UBXN2B: variants seen among roughly 807,000 people sequenced by gnomAD.
UBXN2B encodes the protein UBX domain-containing protein 2B.
Under a neutral mutation model 37.5 loss-of-function variants are expected in UBXN2B, and 19 were observed. The ratio of observed to expected loss-of-function variants is 0.51; its 90% confidence interval spans 0.35 to 0.74. The LOEUF (loss-of-function observed/expected upper bound fraction) is 0.74. Among genes scored for constraint, UBXN2B ranks in the 30% least tolerant of loss-of-function variants. UBXN2B has a pLI of 0.01. For missense variants in UBXN2B, 370 were observed against 393.2 expected (o/e 0.94, Z 0.50); for synonymous variants, 145 against 143.8 (o/e 1.01, Z -0.06).
chr8:58,433,633 G>C (rs919081776), intron 4 of UBXN2B, among the ~76,000 whole-genome samples: 1 of 147,778 alleles, frequency 6.8e-6, no homozygotes, highest in Non-Finnish European at 1.5e-5. Flanking sequence ...AAAAAAAAAG[G>C]TGTTTAAAAA....
chr8:58,445,978 T>C lies in UBXN2B; in HGVS notation c.743T>C (p.Val248Ala). ...GATAAATCAATACTTAATGCAGTTGTTCTTATTGATGATTCAGTGCCAACA... is the reference window on the plus strand; with the variant it reads ...GATAAATCAATACTTAATGCAGTTGCTCTTATTGATGATTCAGTGCCAACA... ...EEDKSILNAV[V>A]LIDDSVPTTK... Residue 248 changes from valine (V) to alanine (A), a missense_variant, in exon 7 of 8, where the codon GTT (valine) becomes GCT (alanine). Coordinates refer to ENST00000399598, the MANE Select transcript of UBXN2B (RefSeq NM_001077619.2). 1.2e-6 allele frequency: 2 copies of C among 1,613,378 alleles called. No homozygotes were observed. Among genetic ancestry groups the C allele is most frequent in the Non-Finnish European group, 1.7e-6 (2 of 1,179,736 alleles).
At chr8:58,436,634 C>A (rs1009084289) in intron 5 of UBXN2B, among the ~76,000 whole-genome samples, 1 of 152,120 alleles carries the variant, frequency 6.6e-6, no homozygotes, top group African/African-American at 2.4e-5. Context: ...GGGGTGGATC[C>A]CTCACAAATG....
At chr8:58,440,667 ATTCT>A (rs140279875) in intron 6 of UBXN2B, among the ~76,000 whole-genome samples, 212 of 152,298 alleles carry the variant, frequency 1.4e-3, no homozygotes, top group African/African-American at 4.8e-3. Context: ...TTTCCAGTGT[ATTCT>A]TTGGTGCATC....
intron 3 of UBXN2B, among the ~76,000 whole-genome samples, chr8:58,431,246 G>A (rs531917320): frequency 6.0e-4 from 91 of 152,314 alleles, no homozygotes; most frequent in African/African-American, 2.0e-3. Context: ...CACTTTGGGA[G>A]GCCGAAGCAG....
chr8:58,447,472 A>C lies in UBXN2B; in HGVS notation c.917A>C (p.Asn306Thr). ...TTTATTCTTGTGACTTCATTTCCGA[A>C]TAAAGAGCTAACAGATGAAAGCCTG... ...LDFILVTSFP[N>T]KELTDESLTL... The change falls in exon 8 of 8, where the codon AAT becomes ACT. Residue 306 changes from asparagine to threonine, a missense_variant. Asn to Thr is a moderately conservative substitution (Grantham distance 65, BLOSUM62 0). Transcript: ENST00000399598. 1 of 1,613,562 alleles carries C rather than the reference A, an allele frequency of 6.2e-7. No individual in the cohort carries two copies. Among genetic ancestry groups the C allele is most frequent in the South Asian group, 1.1e-5 (1 of 91,012 alleles).
In UBXN2B at chr8:58,416,923, T is replaced by C. The variant is rs1421144897; in HGVS notation, c.158T>C (p.Val53Ala). 1.1e-5 allele frequency: 18 copies of C among 1,611,164 alleles called. No individual in the cohort carries two copies. In the East Asian group the frequency reaches 4.0e-4, roughly 36 times the overall value. Residue 53 changes from valine to alanine, a missense_variant, in exon 2 of 8, where the codon GTC becomes GCC. Around this residue, in one of 3 missense-constraint regions of UBXN2B, gnomAD observed 197 missense variants for 170.2 expected, o/e 1.16. Coordinates refer to ENST00000399598, the MANE Select transcript of UBXN2B (RefSeq NM_001077619.2). ...SSKSNRPKATVFKSPRTPPQR... is the reference protein window; with the variant it reads ...SSKSNRPKATAFKSPRTPPQR... ...AAGTCTAATAGACCTAAAGCCACAGTCTTCAAGAGCCCACGGACACCACCT... is the reference window on the plus strand; with the variant it reads ...AAGTCTAATAGACCTAAAGCCACAGCCTTCAAGAGCCCACGGACACCACCT...
rs775481708 is a variant in UBXN2B at position 58,416,856 on chromosome 8, T to C, written c.91T>C (p.Leu31=). Residue 31 remains leucine (L), a synonymous_variant, in exon 2 of 8, where the codon TTG becomes CTG. Transcript: ENST00000399598. ...PPSARDLQLA[L]AELYEDEVKC... is the part of the protein sequence containing the mutation. Reference sequence around the variant, plus strand: ...CAAGCCTGTTATTATGTAGTTGGCCTTGGCAGAATTGTATGAAGATGAAGT... The same window carrying C: ...CAAGCCTGTTATTATGTAGTTGGCCCTGGCAGAATTGTATGAAGATGAAGT... 5.6e-6 allele frequency: 9 copies of C among 1,611,550 alleles called. No homozygotes were observed. In the South Asian group the frequency reaches 8.8e-5, roughly 16 times the overall value.
intron 2 of UBXN2B, among the ~76,000 whole-genome samples, chr8:58,423,177 G>C (rs1392486076): frequency 6.6e-6 from 1 of 152,048 alleles, no homozygotes; most frequent in African/African-American, 2.4e-5. Context: ...TCTTCAGAAG[G>C]CCTGGCCACT....
chr8:58,439,846 C>T (rs1808500198), intron 6 of UBXN2B, 76 bp downstream of exon 6: 4 of 1,492,536 alleles, frequency 2.7e-6, no homozygotes, highest in South Asian at 1.4e-5. Flanking sequence ...GCAAAATGAC[C>T]TATGAAGTAA....
rs1807629154 is a variant in UBXN2B at position 58,411,362 on chromosome 8, G to A, written c.-24G>A. The stretch of plus-strand genomic sequence containing the variant: ...GGAAGTTGCGGCAGGTGCGTCCGCA[G>A]CGGGCGCCGCTAGCCAGCGGAAGAT... On this transcript the variant is annotated 5_prime_UTR_variant, in exon 1 of 8. Transcript: ENST00000399598. 2 of 1,268,622 alleles carry A rather than the reference G, an allele frequency of 1.6e-6. No homozygotes were observed. Among genetic ancestry groups the A allele is most frequent in the Non-Finnish European group, 2.0e-6 (2 of 1,004,434 alleles). The allele number at this position is 1,268,622 out of a possible 1,614,324, so 78.6% of individuals were successfully genotyped here.
chr8:58,443,599 C>T (rs990505300), intron 6 of UBXN2B, among the ~76,000 whole-genome samples: 1 of 150,400 alleles, frequency 6.6e-6, no homozygotes, highest in African/African-American at 2.5e-5. Flanking sequence ...TCAAGACCAG[C>T]CTGGCCAACA....
Position 58,447,644 on chromosome 8 carries a change from T to C in UBXN2B, c.*93T>C. Reference sequence around the variant, plus strand: ...CAGCATTAAAAACAGCCAAATTATTTTTATTATTTTTACAGATAAATTTTG... The same window carrying C: ...CAGCATTAAAAACAGCCAAATTATTCTTATTATTTTTACAGATAAATTTTG... On this transcript the variant is annotated 3_prime_UTR_variant, in exon 8 of 8. Coordinates refer to ENST00000399598, the MANE Select transcript of UBXN2B (RefSeq NM_001077619.2). The C allele has an allele frequency of 8.3e-7, 1 of 1,208,850 alleles. No homozygotes were observed. The highest frequency in any genetic ancestry group is 2.6e-5 in the South Asian group (1 of 39,018). 74.9% of individuals were successfully genotyped at this position (1,208,850 alleles called of 1,614,324 possible).
chr8:58,435,161 C>A, intron 5 of UBXN2B: 1 of 1,336,654 alleles, frequency 7.5e-7, no homozygotes, highest in Non-Finnish European at 9.6e-7. Flanking sequence ...TAAAGTTGAG[C>A]ATAAACTGGG....
At chr8:58,415,943 T>A (rs1807767512) in intron 1 of UBXN2B, among the ~76,000 whole-genome samples, 1 of 152,032 alleles carries the variant, frequency 6.6e-6, no homozygotes, top group African/African-American at 2.4e-5. Flanking sequence ...ATTGCCCCAA[T>A]GCCCTGTTCT....
rs1475974991 is a variant in UBXN2B at position 58,450,717 on chromosome 8, C to A, written c.*3166C>A. On this transcript the variant is annotated 3_prime_UTR_variant, in exon 8 of 8. Transcript: ENST00000399598. ...CAGCACCTCAAGTACCTAGAAAACT[C>A]TTTTATGCCTGCTTCTCTGCCAGAT... 6.6e-6 allele frequency: 1 copy of A among 152,180 alleles called. No individual in the cohort carries two copies. The highest frequency in any genetic ancestry group is 1.5e-5 in the Non-Finnish European group (1 of 68,040). The allele number at this position is 152,180 out of a possible 1,614,324, so 9.4% of individuals were successfully genotyped here.
At position 58,421,869 on chromosome 8, in the gene UBXN2B, T is replaced by C. The variant is rs369702144; in HGVS notation, c.188+4916T>C. Among the ~76,000 whole-genome samples the C allele has an allele frequency of 2.4e-3, 364 of 152,348 alleles. 2 individuals carry two copies. The highest frequency in any genetic ancestry group is 8.3e-3 in the African/African-American group (345 of 41,580). On this transcript the variant is annotated intron_variant, in intron 2 of 7. Transcript: ENST00000399598. ...TTTGCTGACCTTGTGGAGGGAAATC[T>C]AAATGAAATCAATATAACAAACAAA...
intron 1 of UBXN2B, among the ~76,000 whole-genome samples, chr8:58,413,677 AG>A (rs1807699890): frequency 1.3e-5 from 2 of 152,078 alleles, no homozygotes; most frequent in Admixed American, 6.5e-5. Context: ...GGAGTGTTCC[AG>A]GTACCACCAG....
rs1265671894 is a variant in UBXN2B, at chr8:58,433,252, A to G, written c.423+9A>G. 2.5e-6 allele frequency: 4 copies of G among 1,588,146 alleles called. No individual in the cohort carries two copies. In the Admixed American group the frequency reaches 5.3e-5, roughly 21 times the overall value. On this transcript the variant is annotated intron_variant, in intron 4 of 7. Transcript: ENST00000399598. ...AAAATCAGCTGCAAGATGTAGGTAC[A>G]ATAATCAAAATGAAAAAGTATAAAT...
At chr8:58,416,078 A>C (rs546783290) in intron 1 of UBXN2B, among the ~76,000 whole-genome samples, 41 of 151,688 alleles carry the variant, frequency 2.7e-4, no homozygotes, top group South Asian at 2.7e-3. Flanking sequence ...AAAAAAAAAA[A>C]CCGGAGATTA....
Sources: gnomAD v4.1 joint callset for allele counts (sites outside exome capture counted in the v4.1 genomes callset) on GRCh38, gnomAD v4.1.1 for gene constraint, gnomAD v4.1.1 regional missense constraint, MANE v1.5 for transcripts, NCBI Gene and HGNC (gene_info 2026-07-23, HGNC 2026-07-21) for gene names.